HECW2: variants seen among roughly 807,000 people sequenced by gnomAD.
HECW2 encodes the protein E3 ubiquitin-protein ligase HECW2.
In HECW2, 61 loss-of-function variants were observed where a neutral mutation model predicts 175.2. The observed-to-expected ratio is 0.35, with a 90% CI of 0.28 to 0.43. HECW2 has a LOEUF of 0.43. Among genes scored for constraint, HECW2 ranks in the 20% least tolerant of loss-of-function variants. The pLI, the probability that HECW2 is intolerant of heterozygous loss-of-function variation, is 1.00. For missense variants in HECW2, 1,524 were observed against 2,000.5 expected (o/e 0.76, Z 4.54); for synonymous variants, 671 against 731.0 (o/e 0.92, Z 1.32).
At chr2:196,392,771 A>G (rs1694551439) in intron 2 of HECW2, among the ~76,000 whole-genome samples, 1 of 152,202 alleles carries the variant, frequency 6.6e-6, no homozygotes, top group Non-Finnish European at 1.5e-5. Flanking sequence ...ACCACTATTT[A>G]CATACAAAAG....
intron 1 of HECW2, among the ~76,000 whole-genome samples, chr2:196,573,046 G>A (rs867793124): frequency 6.6e-6 from 1 of 152,110 alleles, no homozygotes; most frequent in East Asian, 1.9e-4. Flanking sequence ...TGGGAGAAGA[G>A]GGGTGGAAAA....
chr2:196,332,593 T>C (rs1559047869), intron 4 of HECW2, among the ~76,000 whole-genome samples: 1 of 152,172 alleles, frequency 6.6e-6, no homozygotes, highest in Non-Finnish European at 1.5e-5. Flanking sequence ...CAAAAATCAA[T>C]GGAATAAGAT....
At chr2:196,394,968 C>G (rs2125190896) in intron 2 of HECW2, among the ~76,000 whole-genome samples, 1 of 152,294 alleles carries the variant, frequency 6.6e-6, no homozygotes, top group East Asian at 1.9e-4. Flanking sequence ...GGCCTGCTTC[C>G]TCATAAATAA....
intron 1 of HECW2, among the ~76,000 whole-genome samples, chr2:196,448,362 GCACCA>G (rs1696247079): frequency 6.6e-6 from 1 of 152,148 alleles, no homozygotes; most frequent in African/African-American, 2.4e-5. Flanking sequence ...TTCCAGACAG[GCACCA>G]AGCTAGTGGA....
chr2:196,579,680 C>T (rs536007349), intron 1 of HECW2, among the ~76,000 whole-genome samples: 21 of 152,066 alleles, frequency 1.4e-4, no homozygotes, highest in African/African-American at 3.1e-4. Context: ...GAGATACAAC[C>T]GGTAAGAAGT....
intron 28 of HECW2, among the ~76,000 whole-genome samples, chr2:196,207,739 A>T (rs1410841522): frequency 6.6e-6 from 1 of 152,228 alleles, no homozygotes; most frequent in Admixed American, 6.5e-5. Flanking sequence ...AGCCATGAGG[A>T]GTATCTATAG....
intron 18 of HECW2, among the ~76,000 whole-genome samples, chr2:196,254,901 A>G (rs903360519): frequency 3.3e-5 from 5 of 151,712 alleles, no homozygotes; most frequent in African/African-American, 9.7e-5. Flanking sequence ...GCCTTTTCAT[A>G]ACCTTTATCC....
chr2:196,587,955 C>A (rs1341625068), intron 1 of HECW2, among the ~76,000 whole-genome samples: 1 of 152,164 alleles, frequency 6.6e-6, no homozygotes, highest in Non-Finnish European at 1.5e-5. Context: ...ACATTCTTTT[C>A]TCAGGGCCTT....
intron 13 of HECW2, among the ~76,000 whole-genome samples, chr2:196,301,375 T>TCC (rs1374605072): frequency 9.8e-5 from 15 of 152,332 alleles, no homozygotes; most frequent in Middle Eastern, 3.4e-3. Flanking sequence ...TGATTTATAT[T>TCC]CCTTTAGTTA....
At chr2:196,502,944 T>G (rs1476205580) in intron 1 of HECW2, among the ~76,000 whole-genome samples, 1 of 152,222 alleles carries the variant, frequency 6.6e-6, no homozygotes, top group African/African-American at 2.4e-5. Flanking sequence ...ATATGATCTC[T>G]TCTTCTACCT....
chr2:196,557,004 A>G (rs1689816792), intron 1 of HECW2, among the ~76,000 whole-genome samples: 1 of 152,258 alleles, frequency 6.6e-6, no homozygotes, highest in East Asian at 1.9e-4. Flanking sequence ...CATATAGAAT[A>G]ATAGAGTTTC....
At chr2:196,510,596 CTT>C (rs58696760) in intron 1 of HECW2, among the ~76,000 whole-genome samples, 238 of 150,588 alleles carry the variant, frequency 1.6e-3, no homozygotes, top group Middle Eastern at 3.4e-3. Context: ...GTTATAATTC[CTT>C]TTTTTTTTTA....
intron 1 of HECW2, among the ~76,000 whole-genome samples, chr2:196,511,295 T>C (rs1020780455): frequency 7.2e-5 from 11 of 152,338 alleles, no homozygotes; most frequent in African/African-American, 2.6e-4. Flanking sequence ...TCAAAAAATA[T>C]AATTAAATGA....
chr2:196,251,096 G>A (rs1688836182), intron 19 of HECW2, among the ~76,000 whole-genome samples: 1 of 152,110 alleles, frequency 6.6e-6, no homozygotes, highest in Non-Finnish European at 1.5e-5. Flanking sequence ...CTGGAGTGCA[G>A]TGGCATGATC....
At chr2:196,502,971 C>T (rs952078154) in intron 1 of HECW2, among the ~76,000 whole-genome samples, 5 of 152,172 alleles carry the variant, frequency 3.3e-5, no homozygotes, top group Non-Finnish European at 5.9e-5. Context: ...TCATAATGGC[C>T]TAAAAGACCA....
chr2:196,527,439 T>A (rs1208667389), intron 1 of HECW2, among the ~76,000 whole-genome samples: 7 of 152,230 alleles, frequency 4.6e-5, no homozygotes, highest in Admixed American at 4.6e-4. Context: ...ACCCTTCTTC[T>A]GCGTCGCTCA....
intron 1 of HECW2, among the ~76,000 whole-genome samples, chr2:196,523,060 A>G (rs1688472165): frequency 6.6e-6 from 1 of 151,544 alleles, no homozygotes; most frequent in Admixed American, 6.6e-5. Flanking sequence ...TCTGTAAATT[A>G]CCTTGGGCAG....
chr2:196,345,925 G>A (rs1277312613), intron 2 of HECW2, among the ~76,000 whole-genome samples: 1 of 152,204 alleles, frequency 6.6e-6, no homozygotes, highest in Non-Finnish European at 1.5e-5. Flanking sequence ...TGGTCACTTG[G>A]AAGGCACAGA....
intron 1 of HECW2, among the ~76,000 whole-genome samples, chr2:196,534,869 A>G (rs1378850768): frequency 2.0e-5 from 3 of 152,176 alleles, no homozygotes; most frequent in Non-Finnish European, 4.4e-5. Context: ...CAAGTCCAAG[A>G]TACCAAAATC....
Sources: gnomAD v4.1 joint callset for allele counts (sites outside exome capture counted in the v4.1 genomes callset) on GRCh38, gnomAD v4.1.1 for gene constraint, MANE v1.5 for transcripts, NCBI Gene and HGNC (gene_info 2026-07-23, HGNC 2026-07-21) for gene names.